The following TMTC1 variants were observed in gnomAD, a reference collection of about 807,000 sequenced individuals.
The protein encoded by TMTC1 is protein O-mannosyl-transferase TMTC1.
In TMTC1, 73 loss-of-function variants were observed where a neutral mutation model predicts 104.8. That is an observed-to-expected ratio of 0.70 (90% CI 0.58 to 0.85). TMTC1 has a LOEUF of 0.85. Ranked by LOEUF, TMTC1 falls within the 40% of genes least tolerant of loss-of-function variation. The probability of loss-of-function intolerance (pLI) is 0.00; values close to 1 mark genes in which losing one functional copy is unlikely to be tolerated. For synonymous variants in TMTC1, 434 were observed against 428.7 expected, an observed-to-expected ratio of 1.01 and a Z score of -0.15; for missense variants, 1,035 against 1,096.1, an observed-to-expected ratio of 0.94 and a Z score of 0.79.
intron 6 of TMTC1, among the ~76,000 whole-genome samples, chr12:29,608,372 A>G (rs1178400732): frequency 1.3e-5 from 2 of 152,236 alleles, no homozygotes; most frequent in African/African-American, 2.4e-5. Flanking sequence ...GGTATTTTCC[A>G]AAGTACACAT....
chr12:29,654,773 G>T (rs1388678388), intron 5 of TMTC1, among the ~76,000 whole-genome samples: 19 of 152,134 alleles, frequency 1.2e-4, no homozygotes, highest in Non-Finnish European at 2.9e-5. Context: ...ATGCTACTGG[G>T]GAATAAAAAG....
intron 5 of TMTC1, among the ~76,000 whole-genome samples, chr12:29,748,679 C>G (rs1943016057): frequency 6.6e-6 from 1 of 152,212 alleles, no homozygotes; most frequent in African/African-American, 2.4e-5. Context: ...TGCTAGCCCC[C>G]TTTCTGGTAC....
chr12:29,599,993 C>CATATATATATATATATATATAT (rs71444331), intron 7 of TMTC1, among the ~76,000 whole-genome samples: 1 of 81,834 alleles, frequency 1.2e-5, no homozygotes, highest in African/African-American at 6.6e-5. Flanking sequence ...TGTGTATATA[C>CATATATATATATATATATATAT]ATATATATAT....
intron 6 of TMTC1, among the ~76,000 whole-genome samples, chr12:29,631,891 G>A (rs1428125824): frequency 2.0e-5 from 3 of 152,098 alleles, no homozygotes; most frequent in Non-Finnish European, 4.4e-5. Context: ...AATGATTTGG[G>A]CAGAGGTTAT....
intron 7 of TMTC1, 97 bp downstream of exon 7, chr12:29,604,081 A>C (rs997204603): frequency 6.7e-7 from 1 of 1,481,542 alleles, no homozygotes; most frequent in African/African-American, 1.4e-5. Context: ...TCCCATGAGG[A>C]TCTAATGGTC....
chr12:29,701,335 C>T (rs1378409652), intron 5 of TMTC1, among the ~76,000 whole-genome samples: 1 of 152,190 alleles, frequency 6.6e-6, no homozygotes, highest in African/African-American at 2.4e-5. Context: ...TTAGGCTACA[C>T]TCACGAGGGT....
rs188310868 is a variant in TMTC1 at position 29,685,667 on chromosome 12, T to G, written c.939-52331A>C. On this transcript the variant is annotated intron_variant, in intron 5 of 17. Transcript: ENST00000539277. ...GAAAAAAAAGAGGCCTGGTTTGCAA[T>G]ACAGCAAGTAATATTGAAAAGCCTG... Among the ~76,000 whole-genome samples the G allele has an allele frequency of 2.9e-3, 444 of 152,178 alleles. 3 individuals are homozygous for G. The highest frequency in any genetic ancestry group is 0.013 in the South Asian group (63 of 4,826).
intron 5 of TMTC1, among the ~76,000 whole-genome samples, chr12:29,701,223 C>A (rs986350655): frequency 2.6e-5 from 4 of 152,086 alleles, no homozygotes; most frequent in African/African-American, 7.2e-5. Context: ...TCAAAGAGAA[C>A]AGGGTGACCA....
At chr12:29,759,528 G>A (rs1436498859) in intron 2 of TMTC1, among the ~76,000 whole-genome samples, 1 of 152,102 alleles carries the variant, frequency 6.6e-6, no homozygotes, top group East Asian at 1.9e-4. Context: ...AAGGGAATGA[G>A]TTTGAACTCA....
chr12:29,511,217 T>A (rs372180582), intron 17 of TMTC1, among the ~76,000 whole-genome samples: 9 of 152,194 alleles, frequency 5.9e-5, no homozygotes, highest in African/African-American at 2.2e-4. Flanking sequence ...TATGCATGCA[T>A]TAAACATTCA....
intron 5 of TMTC1, among the ~76,000 whole-genome samples, chr12:29,664,149 T>C (rs1399236148): frequency 6.7e-6 from 1 of 149,636 alleles, no homozygotes; most frequent in South Asian, 2.1e-4. Context: ...ATCCCGCCAC[T>C]GCACTCCAGC....
chr12:29,710,957 A>T (rs868733864), intron 5 of TMTC1, among the ~76,000 whole-genome samples: 2 of 26,130 alleles, frequency 7.7e-5, no homozygotes, highest in Non-Finnish European at 2.8e-4. Context: ...TATATATATA[A>T]ATATATTAAT....
Position 29,777,594 on chromosome 12 carries a change from C to G in TMTC1, c.302+5856G>C, listed in dbSNP as rs573070664. 2.2e-5 allele frequency among the ~76,000 whole-genome samples: 3 copies of G among 134,034 alleles called. No homozygotes were observed. The East Asian group carries it at 7.0e-4, about 31-fold the overall frequency. 87.9% of individuals were successfully genotyped at this position (134,034 alleles called of 152,430 possible). ...TATATTCCTCTCACTTTCTGTCCCT[C>G]CTACACTACCAGACTGTAGTCTATA... On this transcript the variant is annotated intron_variant, in intron 1 of 17. Transcript: ENST00000539277.
At chr12:29,675,213 C>A (rs1940678548) in intron 5 of TMTC1, among the ~76,000 whole-genome samples, 2 of 152,154 alleles carry the variant, frequency 1.3e-5, no homozygotes, top group South Asian at 4.1e-4. Flanking sequence ...CATTTACAAA[C>A]CCCACAAACA....
At chr12:29,730,210 G>A (rs1942510774) in intron 5 of TMTC1, among the ~76,000 whole-genome samples, 1 of 152,172 alleles carries the variant, frequency 6.6e-6, no homozygotes, top group Non-Finnish European at 1.5e-5. Context: ...AATAAACACA[G>A]GAAGGTGAGC....
At chr12:29,721,920 C>CA (rs970105424) in intron 5 of TMTC1, among the ~76,000 whole-genome samples, 20 of 150,276 alleles carry the variant, frequency 1.3e-4, no homozygotes, top group East Asian at 1.2e-3. Context: ...TTTTCTAAAA[C>CA]AAAAAAAAAT....
At chr12:29,648,101 A>G (rs1939351100) in intron 5 of TMTC1, among the ~76,000 whole-genome samples, 1 of 152,224 alleles carries the variant, frequency 6.6e-6, no homozygotes, top group African/African-American at 2.4e-5. Context: ...CAGAAACAGA[A>G]GAGCAAATCT....
At chr12:29,720,516 T>C (rs781701281) in intron 5 of TMTC1, among the ~76,000 whole-genome samples, 5 of 152,072 alleles carry the variant, frequency 3.3e-5, no homozygotes, top group South Asian at 4.2e-4. Context: ...AAAGCATAAC[T>C]GAAATATTAA....
intron 7 of TMTC1, among the ~76,000 whole-genome samples, chr12:29,598,433 A>G (rs1477981544): frequency 6.6e-6 from 1 of 152,262 alleles, no homozygotes; most frequent in Non-Finnish European, 1.5e-5. Flanking sequence ...TATGATTTCA[A>G]GACAGCATTC....
Sources: gnomAD v4.1 joint callset for allele counts (sites outside exome capture counted in the v4.1 genomes callset) on GRCh38, gnomAD v4.1.1 for gene constraint, MANE v1.5 for transcripts, NCBI Gene and HGNC (gene_info 2026-07-23, HGNC 2026-07-21) for gene names.